Variants in PDE3B observed in about 807,000 individuals in gnomAD.
PDE3B encodes cGMP-inhibited 3',5'-cyclic phosphodiesterase 3B.
Under a neutral mutation model 116.8 loss-of-function variants are expected in PDE3B, and 66 were observed. The ratio of observed to expected loss-of-function variants is 0.56; its 90% CI spans 0.46 to 0.69. The LOEUF (loss-of-function observed/expected upper bound fraction) is 0.69. PDE3B is among the 30% of genes least tolerant of loss of function. The pLI, the probability that PDE3B is intolerant of heterozygous loss-of-function variation, is 0.00. For synonymous variants in PDE3B, 595 were observed against 533.6 expected, an observed-to-expected ratio of 1.12 and a Z score of -1.59; for missense variants, 1,384 against 1,368.1, an observed-to-expected ratio of 1.01 and a Z score of -0.18.
chr11:14,661,720 A>T (rs991341530), intron 1 of PDE3B, among the ~76,000 whole-genome samples: 31 of 152,198 alleles, frequency 2.0e-4, no homozygotes, highest in Non-Finnish European at 1.6e-4. Context: ...CAGCAGTCTG[A>T]GATCAAACTG....
intron 1 of PDE3B, among the ~76,000 whole-genome samples, chr11:14,672,061 A>G (rs956526741): frequency 3.4e-5 from 5 of 147,056 alleles, no homozygotes; most frequent in African/African-American, 1.2e-4. Flanking sequence ...ATATATGTAT[A>G]TATATATTTT....
intron 11 of PDE3B, among the ~76,000 whole-genome samples, chr11:14,838,225 C>T (rs566681255): frequency 1.1e-4 from 16 of 152,034 alleles, no homozygotes; most frequent in South Asian, 4.2e-4. Context: ...GTGATTTGCC[C>T]GCCTCGGCCT....
chr11:14,704,891 C>A (rs968631397), intron 1 of PDE3B, among the ~76,000 whole-genome samples: 18 of 151,352 alleles, frequency 1.2e-4, no homozygotes, highest in Admixed American at 1.2e-3. Flanking sequence ...ACCTTTTGTT[C>A]TTTAAAAGTT....
At chr11:14,741,653 C>G (rs905808161) in intron 1 of PDE3B, among the ~76,000 whole-genome samples, 5 of 151,942 alleles carry the variant, frequency 3.3e-5, no homozygotes, top group Non-Finnish European at 5.9e-5. Context: ...GGTTGTTTTG[C>G]CTGTTAGTTG....
intron 1 of PDE3B, among the ~76,000 whole-genome samples, chr11:14,738,613 C>T (rs1200157583): frequency 6.6e-6 from 1 of 152,140 alleles, no homozygotes; most frequent in Non-Finnish European, 1.5e-5. Context: ...TAATTAGATC[C>T]CATTTGTCAA....
chr11:14,647,878 A>G (rs1302318356), intron 1 of PDE3B, among the ~76,000 whole-genome samples: 1 of 151,568 alleles, frequency 6.6e-6, no homozygotes, highest in Admixed American at 6.6e-5. Flanking sequence ...TAGATTTATA[A>G]TATTTGATTT....
At chr11:14,768,684 C>T (rs1396090881) in intron 1 of PDE3B, among the ~76,000 whole-genome samples, 1 of 151,474 alleles carries the variant, frequency 6.6e-6, no homozygotes, top group African/African-American at 2.4e-5. Context: ...TTCCTGTCTC[C>T]TTCTGTCAAA....
chr11:14,851,600 C>A (rs1847756133), intron 12 of PDE3B, among the ~76,000 whole-genome samples: 1 of 151,760 alleles, frequency 6.6e-6, no homozygotes, highest in African/African-American at 2.4e-5. Flanking sequence ...CTCATGATTT[C>A]CAGAGGTAAC....
chr11:14,688,126 TCTCTCTCTCTCTCTCTCC>T (rs1471762443), intron 1 of PDE3B, among the ~76,000 whole-genome samples: 2 of 136,644 alleles, frequency 1.5e-5, no homozygotes, highest in East Asian at 2.1e-4. Context: ...TCTCTCTCTC[TCTCTCTCTCTCTCTCTCC>T]CTCCCTCCCT....
At chr11:14,775,461 A>G (rs1857758062) in intron 2 of PDE3B, 1 of 152,210 alleles carries the variant, frequency 6.6e-6, no homozygotes, top group Admixed American at 6.5e-5. Context: ...TACCCCTTCC[A>G]TAAAATTTCT....
At chr11:14,867,189 G>T (rs1590204562) in intron 14 of PDE3B, among the ~76,000 whole-genome samples, 1 of 152,088 alleles carries the variant, frequency 6.6e-6, no homozygotes, top group African/African-American at 2.4e-5. Context: ...TAGATAAAGA[G>T]AATCCATAAT....
intron 4 of PDE3B, among the ~76,000 whole-genome samples, chr11:14,793,763 A>G (rs1590149768): frequency 6.6e-6 from 1 of 152,296 alleles, no homozygotes; most frequent in Non-Finnish European, 1.5e-5. Flanking sequence ...GTCACCATTT[A>G]TCTTCACCGC....
At chr11:14,822,264 A>G (rs1859541693) in intron 7 of PDE3B, among the ~76,000 whole-genome samples, 1 of 152,208 alleles carries the variant, frequency 6.6e-6, no homozygotes, top group Admixed American at 6.5e-5. Context: ...GCATGTAATT[A>G]TCATATAATC....
Position 14,786,686 on chromosome 11 carries a change from G to A in PDE3B, c.1278+1G>A. 6.2e-7 allele frequency: 1 copy of A among 1,606,540 alleles called. No homozygotes were observed. The highest frequency in any genetic ancestry group is 8.5e-7 in the Non-Finnish European group (1 of 1,173,570). The stretch of plus-strand genomic sequence containing the variant: ...GAAAGGGGATAGAAAACTTAACAAG[G>A]TCGAAATACAGTAATCATCTAACCC... On this transcript the variant is annotated splice_donor_variant, in intron 3 of 15. Transcript: ENST00000282096. LOFTEE classifies it high-confidence loss of function.
chr11:14,891,408 C>A, the PDE3B span: 1 of 985,898 alleles, frequency 1.0e-6, no homozygotes, highest in Non-Finnish European at 1.2e-6. Context: ...GTCATCAATT[C>A]ATTCACGCGT....
chr11:14,773,062 A>G (rs926307862), intron 2 of PDE3B: 3 of 151,992 alleles, frequency 2.0e-5, no homozygotes, highest in African/African-American at 7.2e-5. Context: ...CAGGGAAAAA[A>G]TGTTCAACAT....
At position 14,644,632 on chromosome 11, in the gene PDE3B, C is replaced by G. The variant is rs1167945057; in HGVS notation, c.557C>G (p.Pro186Arg). ...GATGGCGACGCAGGGTCCGCGGCCC[C>G]GCACACGCCCCCGGAGGCGGCAGCG... is the stretch of plus-strand genomic sequence containing the variant. ...WGDGDAGSAA[P>R]HTPPEAAAGR... The change falls in exon 1 of 16, where the codon CCG becomes CGG. Residue 186 changes from proline to arginine, a missense_variant. Physicochemically the swap from Pro to Arg is moderately radical, Grantham distance 103 (BLOSUM62 -2). Coordinates refer to ENST00000282096, the MANE Select transcript of PDE3B (RefSeq NM_000922.4). 1.3e-6 allele frequency: 2 copies of G among 1,514,902 alleles called. No individual in the cohort carries two copies. Among genetic ancestry groups the G allele is most frequent in the Non-Finnish European group, 1.8e-6 (2 of 1,134,362 alleles). 93.8% of individuals were successfully genotyped at this position (1,514,902 alleles called of 1,614,324 possible). A position where few individuals can be genotyped will look rare whatever the true frequency, so the allele number is the denominator to read the frequency against.
chr11:14,776,170 G>C (rs1239566751), intron 2 of PDE3B: 7 of 152,210 alleles, frequency 4.6e-5, no homozygotes, highest in Admixed American at 4.6e-4. Context: ...ACACAGGTAG[G>C]CTTATTCTTT....
rs564313374 is a variant in PDE3B at position 14,682,750 on chromosome 11, A to G, written c.978+37697A>G. On this transcript the variant is annotated intron_variant, in intron 1 of 15. Transcript: ENST00000282096. ...TTTATTAAGGATTTTTGTTGTTGCT[A>G]TGTTCATGAGGGACATAGGCCTGTA... Among the ~76,000 whole-genome samples, 4 of 151,218 alleles carry G rather than the reference A, an allele frequency of 2.6e-5. No individual in the cohort carries two copies. In the South Asian group the frequency reaches 8.4e-4, roughly 32 times the overall value.
Sources: gnomAD v4.1 joint callset for allele counts (sites outside exome capture counted in the v4.1 genomes callset) on GRCh38, gnomAD v4.1.1 for gene constraint, MANE v1.5 for transcripts, NCBI Gene and HGNC (gene_info 2026-07-23, HGNC 2026-07-21) for gene names.